SCHIP1: variants seen among roughly 807,000 people sequenced by gnomAD.
The protein encoded by SCHIP1 is schwannomin-interacting protein 1.
Under a neutral mutation model 29.7 loss-of-function variants are expected in SCHIP1, and 8 were observed. The ratio of observed to expected loss-of-function variants is 0.27; its 90% CI spans 0.16 to 0.49. SCHIP1 has a LOEUF of 0.49. SCHIP1 is among the 20% of genes least tolerant of loss of function. The pLI is 0.99. For synonymous variants in SCHIP1, 76 were observed against 94.9 expected (o/e 0.80, Z 1.16); for missense variants, 193 against 294.6 (o/e 0.66, Z 2.52).
At chr3:159,509,338 C>CT in the SCHIP1 span, among the ~76,000 whole-genome samples, 3 of 152,238 alleles carry the variant, frequency 2.0e-5, no homozygotes, top group East Asian at 5.8e-4. Context: ...TTCCTCCATC[C>CT]TTTATTTTGA....
the SCHIP1 span, among the ~76,000 whole-genome samples, chr3:159,414,290 AAC>A: frequency 6.6e-6 from 1 of 152,202 alleles, no homozygotes; most frequent in Non-Finnish European, 1.5e-5. Context: ...CCTACACGTC[AAC>A]ATTATGCCAT....
the SCHIP1 span, chr3:159,274,168 A>C: frequency 1.0e-6 from 1 of 985,278 alleles, no homozygotes; most frequent in Admixed American, 6.1e-5. Context: ...ATTGCAGTGG[A>C]CTTTGGAAAT....
the SCHIP1 span, among the ~76,000 whole-genome samples, chr3:159,715,187 C>G: frequency 1.3e-5 from 2 of 152,238 alleles, no homozygotes; most frequent in African/African-American, 4.8e-5. Context: ...AAGGTTCTGA[C>G]TGTTAGAAGG....
chr3:159,401,720 C>G, the SCHIP1 span, among the ~76,000 whole-genome samples: 2 of 152,140 alleles, frequency 1.3e-5, no homozygotes, highest in Non-Finnish European at 2.9e-5. Context: ...GACATGAAGT[C>G]CTTGCCCATG....
the SCHIP1 span, among the ~76,000 whole-genome samples, chr3:159,750,802 C>G: frequency 1.3e-5 from 2 of 152,044 alleles, no homozygotes; most frequent in East Asian, 3.9e-4. Flanking sequence ...GTATGAACAA[C>G]TGAATAGCTT....
At chr3:159,614,185 A>G in the SCHIP1 span, among the ~76,000 whole-genome samples, 1 of 112,642 alleles carries the variant, frequency 8.9e-6, no homozygotes, top group Non-Finnish European at 1.5e-5. Context: ...TCCCCAGAAT[A>G]GTGTGGGTTT....
chr3:159,626,214 CTAGATATATATA>C, the SCHIP1 span, among the ~76,000 whole-genome samples: 64 of 90,694 alleles, frequency 7.1e-4, 5 homozygotes, highest in African/African-American at 3.7e-3. Context: ...ATAGATATAT[CTAGATATATATA>C]TATCTAGATA....
chr3:159,419,382 C>T, the SCHIP1 span, among the ~76,000 whole-genome samples: 5 of 152,130 alleles, frequency 3.3e-5, no homozygotes, highest in Non-Finnish European at 7.4e-5. Flanking sequence ...GTGTGGCTCT[C>T]CTGACCATAA....
chr3:159,718,769 G>A, the SCHIP1 span, among the ~76,000 whole-genome samples: 4 of 152,158 alleles, frequency 2.6e-5, no homozygotes, highest in East Asian at 7.7e-4. Flanking sequence ...CATGCTCATA[G>A]ATAGGAAGAA....
chr3:159,707,258 C>T, the SCHIP1 span, among the ~76,000 whole-genome samples: 229 of 152,148 alleles, frequency 1.5e-3, no homozygotes, highest in African/African-American at 5.3e-3. Flanking sequence ...GAATAAAATA[C>T]GCCTCATCAA....
chr3:159,381,410 T>C, the SCHIP1 span, among the ~76,000 whole-genome samples: 1 of 152,234 alleles, frequency 6.6e-6, no homozygotes, highest in East Asian at 1.9e-4. Context: ...AAAAAGTTTT[T>C]AGTATATTTA....
the SCHIP1 span, among the ~76,000 whole-genome samples, chr3:159,630,012 GA>G: frequency 2.6e-5 from 4 of 152,144 alleles, no homozygotes; most frequent in Non-Finnish European, 4.4e-5. Flanking sequence ...GGGTAAGAAG[GA>G]AATAAGGCAG....
the SCHIP1 span, among the ~76,000 whole-genome samples, chr3:159,369,248 G>A: frequency 6.6e-6 from 1 of 152,046 alleles, no homozygotes; most frequent in Non-Finnish European, 1.5e-5. Context: ...TTCTAGTCCA[G>A]CATCACTTTT....
chr3:159,476,689 G>T, the SCHIP1 span, among the ~76,000 whole-genome samples: 152 of 151,828 alleles, frequency 1.0e-3, no homozygotes, highest in Admixed American at 2.1e-3. Flanking sequence ...ATTTTTAATC[G>T]GCAAATCATA....
chr3:159,430,691 A>G, the SCHIP1 span, among the ~76,000 whole-genome samples: 7 of 152,172 alleles, frequency 4.6e-5, no homozygotes, highest in Admixed American at 2.0e-4. Context: ...AGAAATGACT[A>G]AAGAAAAATA....
the SCHIP1 span, among the ~76,000 whole-genome samples, chr3:159,453,516 C>A: frequency 6.6e-6 from 1 of 152,164 alleles, no homozygotes; most frequent in Admixed American, 6.5e-5. Context: ...TTTCACTTAG[C>A]TGTGTGGCCT....
chr3:159,671,041 T>G, the SCHIP1 span, among the ~76,000 whole-genome samples: 1,315 of 152,290 alleles, frequency 8.6e-3, 13 homozygotes, highest in Non-Finnish European at 8.1e-3. Flanking sequence ...CAGAGCCCTG[T>G]GCAGCTGCAC....
At chr3:159,852,018 G>T (rs1409401513) in intron 1 of SCHIP1, among the ~76,000 whole-genome samples, 1 of 152,210 alleles carries the variant, frequency 6.6e-6, no homozygotes, top group Non-Finnish European at 1.5e-5. Context: ...ACAGAGGGAA[G>T]TATTTGCTTT....
the SCHIP1 span, among the ~76,000 whole-genome samples, chr3:159,784,798 C>A: frequency 1.3e-5 from 2 of 152,144 alleles, no homozygotes; most frequent in Non-Finnish European, 2.9e-5. Flanking sequence ...AGACTACAGA[C>A]GCGTGCCACC....
Sources: gnomAD v4.1 joint callset for allele counts (sites outside exome capture counted in the v4.1 genomes callset) on GRCh38, gnomAD v4.1.1 for gene constraint, MANE v1.5 for transcripts, NCBI Gene and HGNC (gene_info 2026-07-23, HGNC 2026-07-21) for gene names.